Variants in NEK1 observed in about 807,000 individuals in gnomAD.
NEK1 encodes the protein serine/threonine-protein kinase Nek1.
In NEK1, 137 loss-of-function variants were observed where a neutral mutation model predicts 182.1. The observed-to-expected ratio is 0.75, with a 90% CI of 0.65 to 0.87. The LOEUF (loss-of-function observed/expected upper bound fraction) is 0.87, where lower values mean the gene tolerates loss of function less well. Ranked by LOEUF, NEK1 falls within the 40% of genes least tolerant of loss-of-function variation. The pLI, the probability that NEK1 is intolerant of heterozygous loss-of-function variation, is 0.00. For synonymous variants in NEK1, 513 were observed against 492.2 expected, an observed-to-expected ratio of 1.04 and a Z score of -0.56; for missense variants, 1,391 against 1,494.4, an observed-to-expected ratio of 0.93 and a Z score of 1.14.
chr4:169,534,992 T>C (rs111910085), intron 19 of NEK1, among the ~76,000 whole-genome samples: 10,858 of 152,088 alleles, frequency 0.071, 1,274 homozygotes, highest in African/African-American at 0.25. Flanking sequence ...ACATGGAAGG[T>C]ATAAAAACAA....
At chr4:169,431,584 G>A (rs915888719) in intron 29 of NEK1, among the ~76,000 whole-genome samples, 1 of 151,914 alleles carries the variant, frequency 6.6e-6, no homozygotes, top group African/African-American at 2.4e-5. Context: ...AAATTCCACA[G>A]ATTTACATGT....
At position 169,600,253 on chromosome 4, in the gene NEK1, G is replaced by A. The variant is rs576085944; in HGVS notation, c.215-1056C>T. On this transcript the variant is annotated intron_variant, in intron 4 of 35. Coordinates refer to ENST00000507142, the MANE Select transcript of NEK1 (RefSeq NM_001199397.3). ...GGTCCAGGTTAGAGTGCAATGGCAC[G>A]ATGATGGCTCACTGTAGCCTCGACC... is the stretch of plus-strand genomic sequence containing the variant. Among the ~76,000 whole-genome samples the A allele has an allele frequency of 9.9e-5, 15 of 151,856 alleles. No individual in the cohort carries two copies. The East Asian group carries it at 2.7e-3, about 27-fold the overall frequency.
rs193112117 is a variant in NEK1 at position 169,562,863 on chromosome 4, T to C, written c.1021-667A>G. Among the ~76,000 whole-genome samples the C allele has an allele frequency of 5.9e-5, 9 of 152,318 alleles. No homozygotes were observed. In the East Asian group the frequency reaches 1.2e-3, roughly 20 times the overall value. ...TTACATTTCTTCTTTTATATACTGT[T>C]TACCTAACTTTGGGGTTGTTAATGG... On this transcript the variant is annotated intron_variant, in intron 12 of 35. Transcript: ENST00000507142.
At chr4:169,484,727 A>G (rs1475534405) in intron 23 of NEK1, among the ~76,000 whole-genome samples, 1 of 152,224 alleles carries the variant, frequency 6.6e-6, no homozygotes, top group Non-Finnish European at 1.5e-5. Flanking sequence ...CATAAAACAC[A>G]GATAAAGTAG....
At chr4:169,543,084 T>C (rs1759735967) in intron 18 of NEK1, among the ~76,000 whole-genome samples, 1 of 152,198 alleles carries the variant, frequency 6.6e-6, no homozygotes, top group African/African-American at 2.4e-5. Context: ...CTGAATGGTT[T>C]TGGCTAGGTT....
At chr4:169,600,061 C>T (rs1020232128) in intron 4 of NEK1, among the ~76,000 whole-genome samples, 1 of 152,162 alleles carries the variant, frequency 6.6e-6, no homozygotes, top group East Asian at 1.9e-4. Context: ...CCATCCCTTA[C>T]TTCTTAAGTA....
chr4:169,508,381 G>A, intron 20 of NEK1, 50 bp from the exon 21 acceptor site: 2 of 1,421,870 alleles, frequency 1.4e-6, no homozygotes, highest in Non-Finnish European at 1.9e-6. Flanking sequence ...CAAAGCTATT[G>A]ACATTTTTAC....
chr4:169,445,077 A>C (rs1740246987), intron 27 of NEK1, among the ~76,000 whole-genome samples: 1 of 152,220 alleles, frequency 6.6e-6, no homozygotes, highest in Non-Finnish European at 1.5e-5. Flanking sequence ...ACAACAAACC[A>C]AAATCTATGG....
chr4:169,525,346 T>C (rs1756734343), intron 19 of NEK1, among the ~76,000 whole-genome samples: 1 of 152,160 alleles, frequency 6.6e-6, no homozygotes, highest in East Asian at 1.9e-4. Context: ...GCCAGGCGGG[T>C]CTCGAACTCC....
At chr4:169,529,662 T>C (rs1757391402) in intron 19 of NEK1, among the ~76,000 whole-genome samples, 1 of 152,184 alleles carries the variant, frequency 6.6e-6, no homozygotes, top group African/African-American at 2.4e-5. Flanking sequence ...GGAGAAAGTA[T>C]TGGCAAATCA....
intron 31 of NEK1, among the ~76,000 whole-genome samples, chr4:169,415,565 C>T (rs957035252): frequency 1.3e-5 from 2 of 152,094 alleles, no homozygotes; most frequent in African/African-American, 4.8e-5. Flanking sequence ...ATTTGTAATG[C>T]ATATTCTCTA....
intron 18 of NEK1, among the ~76,000 whole-genome samples, chr4:169,549,472 G>GA (rs1761083109): frequency 6.6e-6 from 1 of 152,180 alleles, no homozygotes; most frequent in South Asian, 2.1e-4. Context: ...GCCAAGGCTG[G>GA]AGTGCAATGG....
At chr4:169,500,112 C>T (rs956460397) in intron 23 of NEK1, among the ~76,000 whole-genome samples, 79 of 152,356 alleles carry the variant, frequency 5.2e-4, no homozygotes, top group Non-Finnish European at 9.7e-4. Flanking sequence ...GGCACCCCTC[C>T]CCCAGCCTCG....
chr4:169,394,303 T>C lies in NEK1; in HGVS notation c.*207A>G, dbSNP rs1730347201. ...GTATATATTTTATGAGATTTAACCATGGAATTCAATGAACAAAATAGATAA... is the reference window on the plus strand; with the variant it reads ...GTATATATTTTATGAGATTTAACCACGGAATTCAATGAACAAAATAGATAA... On this transcript the variant is annotated 3_prime_UTR_variant, in exon 36 of 36. Transcript: ENST00000507142. 2 of 440,740 alleles carry C rather than the reference T, an allele frequency of 4.5e-6. No individual in the cohort carries two copies. The highest frequency in any genetic ancestry group is 2.1e-5 in the African/African-American group (1 of 48,338). 27.3% of individuals were successfully genotyped at this position (440,740 alleles called of 1,614,324 possible).
intron 19 of NEK1, among the ~76,000 whole-genome samples, chr4:169,531,924 C>T (rs1002410353): frequency 2.0e-5 from 3 of 152,158 alleles, no homozygotes; most frequent in African/African-American, 4.8e-5. Flanking sequence ...AAATGTGGCA[C>T]ATCCATACAA....
intron 31 of NEK1, among the ~76,000 whole-genome samples, chr4:169,413,532 C>T (rs1173202875): frequency 6.6e-6 from 1 of 152,192 alleles, no homozygotes; most frequent in African/African-American, 2.4e-5. Context: ...TACTTCACCA[C>T]AGGCAACAGT....
intron 19 of NEK1, among the ~76,000 whole-genome samples, chr4:169,509,180 A>T (rs370498162): frequency 2.0e-5 from 3 of 152,188 alleles, no homozygotes; most frequent in South Asian, 4.1e-4. Context: ...CCCAAACCAA[A>T]TTTTCCTCTA....
At chr4:169,564,146 A>T (rs1042638768) in intron 12 of NEK1, among the ~76,000 whole-genome samples, 4 of 152,182 alleles carry the variant, frequency 2.6e-5, no homozygotes, top group Non-Finnish European at 5.9e-5. Context: ...ATACCAAAAA[A>T]GATAAAAATT....
At chr4:169,576,896 T>C in intron 12 of NEK1, 32 bp downstream of exon 12, 1 of 1,555,420 alleles carries the variant, frequency 6.4e-7, no homozygotes, top group South Asian at 1.2e-5. Flanking sequence ...ATTGAATTTG[T>C]TATTAACACA....
Sources: allele counts gnomAD v4.1 joint callset (sites outside exome capture counted in the v4.1 genomes callset), GRCh38; gene constraint gnomAD v4.1.1; transcripts MANE v1.5; gene names NCBI Gene and HGNC (gene_info 2026-07-23, HGNC 2026-07-21).